Variants in C6orf62 observed in about 807,000 individuals in gnomAD.
The protein encoded by C6orf62 is chromosome 6 open reading frame 62, also known as uncharacterized protein C6orf62.
A neutral mutation model predicts 26.8 loss-of-function variants in C6orf62; 16 were observed. That is an observed-to-expected ratio of 0.60 (90% CI 0.40 to 0.91). The LOEUF is 0.91. Ranked by LOEUF, C6orf62 falls within the 40% of genes least tolerant of loss-of-function variation. The pLI is 0.00. For missense variants in C6orf62, 192 were observed against 271.4 expected, an observed-to-expected ratio of 0.71 and a Z score of 2.06; for synonymous variants, 112 against 91.5, an observed-to-expected ratio of 1.22 and a Z score of -1.28.
At chr6:24,711,141 GA>G (rs1779112286) in intron 3 of C6orf62, among the ~76,000 whole-genome samples, 1 of 152,100 alleles carries the variant, frequency 6.6e-6, no homozygotes, top group Non-Finnish European at 1.5e-5. Context: ...TAACCACACT[GA>G]AAAAAGGTTT....
intron 3 of C6orf62, chr6:24,709,604 G>A (rs759310630): frequency 1.1e-6 from 1 of 915,714 alleles, no homozygotes; most frequent in African/African-American, 1.9e-5. Context: ...GCTCCTCATA[G>A]ATAGGCTATG....
chr6:24,716,077 T>G (rs2127635709), intron 2 of C6orf62, 71 bp downstream of exon 2: 2 of 1,318,494 alleles, frequency 1.5e-6, no homozygotes, highest in East Asian at 2.4e-5. Context: ...TTAAGGGGGG[T>G]TCGGGGGGCG....
chr6:24,719,504 C>G (rs951364936), upstream of C6orf62: 2 of 1,131,228 alleles, frequency 1.8e-6, no homozygotes, highest in Non-Finnish European at 2.2e-6. Flanking sequence ...TCCCCATCAC[C>G]CACATTTTCA....
intron 2 of C6orf62, among the ~76,000 whole-genome samples, chr6:24,714,965 T>TGC (rs1234599091): frequency 2.0e-5 from 3 of 152,168 alleles, no homozygotes; most frequent in Non-Finnish European, 4.4e-5. Flanking sequence ...CTCAGTCCAA[T>TGC]GCTCCTAACA....
At position 24,706,236 on chromosome 6, in the gene C6orf62, G is replaced by A; in HGVS notation, c.591C>T (p.Phe197=). ...GGTAGAGGCAGATGCTGCATAACTT[G>A]AAGATTGTAGCTTTGTTTTTTGGAG... ...LQTPKNKATI[F]KLCSICLYLP... The change falls in exon 5 of 5, where the codon TTC becomes TTT. Residue 197 remains phenylalanine, a synonymous_variant. Transcript: ENST00000378119. 7.4e-6 allele frequency: 12 copies of A among 1,614,176 alleles called. No homozygotes were observed. The highest frequency in any genetic ancestry group is 8.5e-6 in the Non-Finnish European group (10 of 1,180,030).
At chr6:24,719,784 C>G, upstream of C6orf62, 5 of 1,546,282 alleles carry the variant, frequency 3.2e-6, no homozygotes, top group Admixed American at 9.9e-5. Flanking sequence ...AAATCCCAGG[C>G]GGTGCCCGGA....
At chr6:24,720,550 T>A, upstream of C6orf62, 4 of 255,780 alleles carry the variant, frequency 1.6e-5, no homozygotes, top group Non-Finnish European at 1.9e-5. Context: ...GGGAGTTGGA[T>A]TGGTACTGGC....
At chr6:24,714,057 T>C (rs1323330363) in intron 3 of C6orf62, among the ~76,000 whole-genome samples, 1 of 152,226 alleles carries the variant, frequency 6.6e-6, no homozygotes, top group East Asian at 1.9e-4. Flanking sequence ...GGCCCCTCTA[T>C]AAATCAGTAA....
At chr6:24,710,484 A>C (rs1444599238) in intron 3 of C6orf62, 1 of 627,224 alleles carries the variant, frequency 1.6e-6, no homozygotes, top group Non-Finnish European at 2.0e-6. Flanking sequence ...GGATGGTCTC[A>C]AACTCCCGAC....
At chr6:24,710,088 TTAGTA>T in intron 3 of C6orf62, 1 of 983,130 alleles carries the variant, frequency 1.0e-6, no homozygotes, top group Middle Eastern at 5.3e-4. Flanking sequence ...TATTAAATTA[TTAGTA>T]TGATCATAAG....
chr6:24,707,315 A>G (rs1724020472), intron 4 of C6orf62, among the ~76,000 whole-genome samples: 2 of 151,604 alleles, frequency 1.3e-5, no homozygotes. Flanking sequence ...AAATTGCAAT[A>G]CTTGGATTGC....
chr6:24,720,449 C>G (rs1779333770), upstream of C6orf62: 1 of 1,082,172 alleles, frequency 9.2e-7, no homozygotes, highest in Non-Finnish European at 1.1e-6. Flanking sequence ...TAGTCTGGCT[C>G]GGCGCCCTGG....
At chr6:24,709,127 A>C in intron 3 of C6orf62, 1 of 973,256 alleles carries the variant, frequency 1.0e-6, no homozygotes, top group Non-Finnish European at 1.2e-6. Flanking sequence ...AGCACTAGCC[A>C]CATTTCAAAT....
upstream of C6orf62, chr6:24,720,210 T>A (rs188339436): frequency 3.4e-5 from 46 of 1,350,226 alleles, no homozygotes; most frequent in African/African-American, 6.4e-4. Flanking sequence ...AGCCCGGGAC[T>A]CACGGACCGA....
chr6:24,708,028 G>C (rs1389126327), intron 4 of C6orf62, among the ~76,000 whole-genome samples: 1 of 151,708 alleles, frequency 6.6e-6, no homozygotes, highest in Non-Finnish European at 1.5e-5. Flanking sequence ...AAACGTCCAG[G>C]TCAGTGCTTC....
intron 3 of C6orf62, chr6:24,709,632 C>T: frequency 1.0e-6 from 1 of 985,386 alleles, no homozygotes; most frequent in Non-Finnish European, 1.2e-6. Flanking sequence ...GTGAATTTTT[C>T]CCACAGTTAG....
intron 3 of C6orf62, chr6:24,709,511 T>C: frequency 7.2e-6 from 7 of 977,470 alleles, no homozygotes; most frequent in Non-Finnish European, 7.3e-6. Flanking sequence ...CTTCCTCATC[T>C]ATAAAATAAG....
upstream of C6orf62, chr6:24,720,048 G>A (rs1013787349): frequency 6.2e-6 from 7 of 1,127,312 alleles, no homozygotes; most frequent in African/African-American, 2.1e-5. Context: ...TTAAGTTCCC[G>A]GATTAGCTCT....
chr6:24,709,218 C>A, intron 3 of C6orf62: 1 of 984,824 alleles, frequency 1.0e-6, no homozygotes, highest in South Asian at 4.7e-5. Context: ...GTAGAGAATT[C>A]TATTGGACAG....
Sources: allele counts gnomAD v4.1 joint callset (sites outside exome capture counted in the v4.1 genomes callset), GRCh38; gene constraint gnomAD v4.1.1; transcripts MANE v1.5; gene names NCBI Gene and HGNC (gene_info 2026-07-23, HGNC 2026-07-21).